TFEC: variants seen among roughly 807,000 people sequenced by gnomAD.
TFEC encodes transcription factor EC.
In TFEC, 31 loss-of-function variants were observed where a neutral mutation model predicts 41.6. The ratio of observed to expected loss-of-function variants is 0.74; its 90% confidence interval spans 0.56 to 1.01. TFEC has a LOEUF of 1.01. TFEC is among the 50% of genes least tolerant of loss of function. TFEC has a pLI of 0.00. For missense variants in TFEC, 402 were observed against 404.1 expected, an observed-to-expected ratio of 0.99 and a Z score of 0.04; for synonymous variants, 143 against 140.6, an observed-to-expected ratio of 1.02 and a Z score of -0.12.
chr7:116,082,088 GTGA>G (rs1297783146), intron 3 of TFEC, among the ~76,000 whole-genome samples: 7 of 152,128 alleles, frequency 4.6e-5, no homozygotes, highest in African/African-American at 1.7e-4. Flanking sequence ...TGTGAACTTA[GTGA>G]TGATAACTTT....
In TFEC at chr7:116,139,005, G is replaced by A. The variant is rs1177075754; in HGVS notation, c.-69+20785C>T. Reference sequence around the variant, plus strand: ...TGTCTTTTTTCCCCAAAAGCCCAGTGAGCCCATATTACAGGAGGCTTCTAC... The same window carrying A: ...TGTCTTTTTTCCCCAAAAGCCCAGTAAGCCCATATTACAGGAGGCTTCTAC... On this transcript the variant is annotated intron_variant, in intron 1 of 8. Coordinates refer to the TFEC transcript ENST00000484212. Among the ~76,000 whole-genome samples the A allele has an allele frequency of 2.0e-5, 3 of 152,028 alleles. No homozygotes were observed. In the East Asian group the frequency reaches 5.8e-4, roughly 29 times the overall value.
At chr7:116,031,645 A>G (rs1795786450), upstream of TFEC, among the ~76,000 whole-genome samples, 1 of 152,162 alleles carries the variant, frequency 6.6e-6, no homozygotes, top group Non-Finnish European at 1.5e-5. Flanking sequence ...TGTGAAGGTT[A>G]CATTCAGATT....
intron 3 of TFEC, among the ~76,000 whole-genome samples, chr7:116,049,192 G>A (rs958477791): frequency 9.2e-5 from 14 of 152,130 alleles, no homozygotes; most frequent in African/African-American, 3.4e-4. Flanking sequence ...TAGCAAATTG[G>A]ATAAAGAGTC....
intron 1 of TFEC, among the ~76,000 whole-genome samples, chr7:115,989,271 T>C (rs540437960): frequency 6.6e-6 from 1 of 152,318 alleles, no homozygotes; most frequent in South Asian, 2.1e-4. Context: ...AAGGCAATCA[T>C]GGGAGGAGGT....
chr7:115,946,695 CTTCTT>C (rs1353806972), intron 6 of TFEC, among the ~76,000 whole-genome samples: 12 of 94,350 alleles, frequency 1.3e-4, no homozygotes, highest in Admixed American at 2.2e-4. Context: ...TTTCTTTTCT[CTTCTT>C]TTCTTTTCTT....
intron 1 of TFEC, among the ~76,000 whole-genome samples, chr7:116,112,427 TA>T (rs1263776757): frequency 6.6e-6 from 1 of 152,028 alleles, no homozygotes; most frequent in Non-Finnish European, 1.5e-5. Flanking sequence ...CTCCTCAGGG[TA>T]AAATTCATTG....
intron 3 of TFEC, among the ~76,000 whole-genome samples, chr7:115,968,517 A>T (rs541785830): frequency 1.3e-5 from 2 of 152,012 alleles, no homozygotes; most frequent in Admixed American, 1.3e-4. Context: ...ATTTACAGAC[A>T]CTTGATTGAA....
intron 3 of TFEC, among the ~76,000 whole-genome samples, chr7:116,099,625 C>T (rs1332095407): frequency 6.6e-6 from 1 of 152,174 alleles, no homozygotes; most frequent in Non-Finnish European, 1.5e-5. Flanking sequence ...CAGTCTCAAA[C>T]AAGACTTTTG....
rs1793429468 is a variant in TFEC at position 115,940,438 on chromosome 7, C to T, written c.*113G>A. 8.4e-7 allele frequency: 1 copy of T among 1,186,018 alleles called. No individual in the cohort carries two copies. Among genetic ancestry groups the T allele is most frequent in the African/African-American group, 1.5e-5 (1 of 64,778 alleles). The allele number at this position is 1,186,018 out of a possible 1,614,324, so 73.5% of individuals were successfully genotyped here. A position where few individuals can be genotyped will look rare whatever the true frequency, so the allele number is the denominator to read the frequency against. On this transcript the variant is annotated 3_prime_UTR_variant, in exon 8 of 8. Coordinates refer to ENST00000265440, the MANE Select transcript of TFEC (RefSeq NM_012252.4). Reference sequence around the variant, plus strand: ...GCTTCTATCAGTTTTTCATGAACAACACATTCCTTTAAGAAAAAAAATAAG... The same window carrying T: ...GCTTCTATCAGTTTTTCATGAACAATACATTCCTTTAAGAAAAAAAATAAG...
At chr7:115,974,106 A>T (rs1584618399) in intron 3 of TFEC, 64 bp downstream of exon 3, 1 of 1,340,004 alleles carries the variant, frequency 7.5e-7, no homozygotes, top group East Asian at 2.6e-5. Flanking sequence ...CTAATCAAAT[A>T]TTTTTATTAT....
chr7:116,129,332 CT>C (rs58145809), intron 1 of TFEC, among the ~76,000 whole-genome samples: 23,250 of 148,274 alleles, frequency 0.16, 1,857 homozygotes, highest in East Asian at 0.25. Context: ...CACCCTTGTC[CT>C]TTTTTTTTTC....
At chr7:116,004,971 G>A (rs1794733320) in intron 1 of TFEC, among the ~76,000 whole-genome samples, 1 of 152,180 alleles carries the variant, frequency 6.6e-6, no homozygotes, top group African/African-American at 2.4e-5. Flanking sequence ...CATGAGACCT[G>A]ACGGTTTCAT....
chr7:116,045,166 T>C (rs1053652042), intron 3 of TFEC, among the ~76,000 whole-genome samples: 1 of 152,194 alleles, frequency 6.6e-6, no homozygotes, highest in South Asian at 2.1e-4. Context: ...TAGAGACTTG[T>C]TGAATGGTGT....
intron 1 of TFEC, among the ~76,000 whole-genome samples, chr7:116,007,540 G>A (rs1293307069): frequency 6.6e-6 from 1 of 152,124 alleles, no homozygotes; most frequent in Non-Finnish European, 1.5e-5. Context: ...TTCACAAAAT[G>A]GTTTACAAAT....
At chr7:116,049,355 A>G (rs1306824230) in intron 3 of TFEC, among the ~76,000 whole-genome samples, 1 of 152,232 alleles carries the variant, frequency 6.6e-6, no homozygotes, top group Non-Finnish European at 1.5e-5. Flanking sequence ...ACAGACTTTA[A>G]ACCAACAAAG....
At chr7:115,994,162 G>C (rs906914044) in intron 1 of TFEC, among the ~76,000 whole-genome samples, 1 of 152,156 alleles carries the variant, frequency 6.6e-6, no homozygotes, top group Non-Finnish European at 1.5e-5. Flanking sequence ...TATGTAGAAA[G>C]CTGAAACTGG....
rs531450523 is a variant in TFEC at position 116,039,330 on chromosome 7, A to G, written c.199-54817T>C. 7.9e-5 allele frequency among the ~76,000 whole-genome samples: 12 copies of G among 152,200 alleles called. No homozygotes were observed. The South Asian group carries it at 1.9e-3, about 24-fold the overall frequency. ...AGAAGAGAAAAAAGAGAAAAATTAT[A>G]GGAAGAAAGGAGGGAGTAGGCAGAT... On this transcript the variant is annotated intron_variant, in intron 3 of 8. Transcript: ENST00000484212.
chr7:116,011,446 T>G (rs143946952), intron 1 of TFEC, among the ~76,000 whole-genome samples: 1 of 152,128 alleles, frequency 6.6e-6, no homozygotes, highest in East Asian at 1.9e-4. Context: ...TTTATTCTTT[T>G]TATAAATTAT....
In TFEC at chr7:115,992,840, T is replaced by C. The variant is rs1439436940; in HGVS notation, c.-72-8327A>G. Reference sequence around the variant, plus strand: ...ATCAATAGAAAAAGAGGGAATCCTCTCTAACTCATTTTATGAGGCCAGCAT... The same window carrying C: ...ATCAATAGAAAAAGAGGGAATCCTCCCTAACTCATTTTATGAGGCCAGCAT... On this transcript the variant is annotated intron_variant, in intron 1 of 7. Transcript: ENST00000265440. Among the ~76,000 whole-genome samples the C allele has an allele frequency of 7.2e-5, 11 of 152,214 alleles. No homozygotes were observed. The South Asian group carries it at 1.9e-3, about 26-fold the overall frequency.
Sources: gnomAD v4.1 joint callset for allele counts (sites outside exome capture counted in the v4.1 genomes callset) on GRCh38, gnomAD v4.1.1 for gene constraint, MANE v1.5 for transcripts, NCBI Gene and HGNC (gene_info 2026-07-23, HGNC 2026-07-21) for gene names.